FGGY: variants seen among roughly 807,000 people sequenced by gnomAD.
FGGY encodes the protein FGGY carbohydrate kinase domain containing, also known as FGGY carbohydrate kinase domain-containing protein.
Under a neutral mutation model 71.3 loss-of-function variants are expected in FGGY, and 72 were observed. The observed-to-expected ratio is 1.01, with a 90% CI of 0.84 to 1.23. The LOEUF (loss-of-function observed/expected upper bound fraction) is 1.23. Ranked by LOEUF, FGGY falls within the 50% of genes most tolerant of loss-of-function variation. The pLI is 0.00. For synonymous variants in FGGY, 251 were observed against 250.3 expected (o/e 1.00, Z -0.02); for missense variants, 668 against 682.3 (o/e 0.98, Z 0.23).
rs552008763 is a variant in FGGY at position 59,630,808 on chromosome 1, G to A, written c.1073+4759G>A. On this transcript the variant is annotated intron_variant, in intron 10 of 15. Transcript: ENST00000303721. Reference sequence around the variant, plus strand: ...GCAACTTACAGAACTCAGTGATGGAGTCAGAACTGGATTTAAATCCCACCT... The same window carrying A: ...GCAACTTACAGAACTCAGTGATGGAATCAGAACTGGATTTAAATCCCACCT... Among the ~76,000 whole-genome samples the A allele has an allele frequency of 2.3e-3, 357 of 152,304 alleles. 18 individuals are homozygous for A. In the South Asian group the frequency reaches 0.071, roughly 30 times the overall value.
intron 4 of FGGY, among the ~76,000 whole-genome samples, chr1:59,373,699 C>G (rs2153277060): frequency 6.6e-6 from 1 of 152,086 alleles, no homozygotes; most frequent in East Asian, 1.9e-4. Context: ...GTACTGGTAC[C>G]AAAACAGAGA....
intron 8 of FGGY, among the ~76,000 whole-genome samples, chr1:59,569,923 T>C (rs2153732617): frequency 6.6e-6 from 1 of 152,322 alleles, no homozygotes; most frequent in South Asian, 2.1e-4. Context: ...ACTGCAATCT[T>C]GCAATCCTTG....
chr1:59,514,666 C>T (rs1469752516), intron 7 of FGGY, among the ~76,000 whole-genome samples: 2 of 152,120 alleles, frequency 1.3e-5, no homozygotes, highest in East Asian at 3.9e-4. Context: ...CCGGTCTTTC[C>T]CATGCTATTC....
chr1:59,705,404 A>T (rs2407606), intron 14 of FGGY, among the ~76,000 whole-genome samples: 71,466 of 151,958 alleles, frequency 0.47, 18,117 homozygotes, highest in Middle Eastern at 0.63. Flanking sequence ...TGTGCCCAAG[A>T]GTTTTAGACT....
chr1:59,343,040 T>C (rs1309660604), intron 3 of FGGY, among the ~76,000 whole-genome samples: 1 of 152,094 alleles, frequency 6.6e-6, no homozygotes, highest in Non-Finnish European at 1.5e-5. Flanking sequence ...GATTGTGTCA[T>C]CTCAGCCATA....
At chr1:59,433,440 A>G (rs975047199) in intron 5 of FGGY, among the ~76,000 whole-genome samples, 2 of 152,122 alleles carry the variant, frequency 1.3e-5, no homozygotes, top group African/African-American at 4.8e-5. Flanking sequence ...TCCAGGCCTC[A>G]TGTGTCTGGA....
intron 11 of FGGY, chr1:59,641,275 C>T (rs1214735574): frequency 6.2e-7 from 1 of 1,607,504 alleles, no homozygotes; most frequent in Non-Finnish European, 8.5e-7. Context: ...TCTCGGATTT[C>T]TCAGAGAACC....
chr1:59,517,320 C>G lies in FGGY; in HGVS notation c.799+4881C>G, dbSNP rs1299537661. ...TCGCTCTGTCGCCCAGGCTGGAGTG[C>G]AGTGGCGGGATCTCGGCTCACTGCA... On this transcript the variant is annotated intron_variant, in intron 7 of 15. Coordinates refer to ENST00000303721, the MANE Select transcript of FGGY (RefSeq NM_018291.5). Among the ~76,000 whole-genome samples, 3 of 127,922 alleles carry G rather than the reference C, an allele frequency of 2.3e-5. No individual in the cohort carries two copies. In the East Asian group the frequency reaches 7.4e-4, roughly 31 times the overall value. The allele number at this position is 127,922 out of a possible 152,430, so 83.9% of individuals were successfully genotyped here.
chr1:59,656,027 A>G (rs2097214841), intron 11 of FGGY, among the ~76,000 whole-genome samples: 1 of 152,190 alleles, frequency 6.6e-6, no homozygotes, highest in African/African-American at 2.4e-5. Flanking sequence ...AAAATTAGGC[A>G]ATGCAGTTAT....
intron 12 of FGGY, among the ~76,000 whole-genome samples, chr1:59,664,333 G>A (rs1275907545): frequency 6.6e-6 from 1 of 152,208 alleles, no homozygotes; most frequent in African/African-American, 2.4e-5. Flanking sequence ...CGAAAGGGAA[G>A]GTCCTCTAAG....
At chr1:59,699,343 C>T in intron 14 of FGGY, 4 of 985,086 alleles carry the variant, frequency 4.1e-6, no homozygotes, top group Non-Finnish European at 4.8e-6. Context: ...TGATGTCTGC[C>T]TTTTGCATAG....
chr1:59,344,671 C>T (rs79838519), intron 3 of FGGY, among the ~76,000 whole-genome samples: 2,312 of 152,148 alleles, frequency 0.015, 42 homozygotes, highest in African/African-American at 0.053. Flanking sequence ...ATCGTATTTG[C>T]GTATAACCTA....
intron 10 of FGGY, among the ~76,000 whole-genome samples, chr1:59,633,698 A>C (rs568159371): frequency 6.6e-6 from 1 of 152,328 alleles, no homozygotes; most frequent in Admixed American, 6.5e-5. Context: ...AAGAGGAGGC[A>C]TTTGAAGAGT....
At chr1:59,546,448 G>T (rs892903495) in intron 7 of FGGY, among the ~76,000 whole-genome samples, 1 of 151,852 alleles carries the variant, frequency 6.6e-6, no homozygotes, top group Non-Finnish European at 1.5e-5. Flanking sequence ...GGGGGCAGTG[G>T]CAGTGTCAAG....
chr1:59,480,819 T>C (rs1022651784), intron 6 of FGGY, among the ~76,000 whole-genome samples: 1 of 152,034 alleles, frequency 6.6e-6, no homozygotes, highest in Non-Finnish European at 1.5e-5. Context: ...TAGGCAGGGA[T>C]CAAAAAATCA....
At chr1:59,499,317 A>ATTTTTTTT (rs2094150310) in intron 6 of FGGY, among the ~76,000 whole-genome samples, 1 of 48,106 alleles carries the variant, frequency 2.1e-5, no homozygotes, top group African/African-American at 1.4e-4. Context: ...TTTTTTTTTG[A>ATTTTTTTT]TCTGGTAACT....
intron 14 of FGGY, among the ~76,000 whole-genome samples, chr1:59,729,349 T>C (rs529448269): frequency 6.6e-6 from 1 of 152,318 alleles, no homozygotes; most frequent in East Asian, 1.9e-4. Flanking sequence ...TTCTAACATT[T>C]GTGTTATATC....
At chr1:59,561,691 A>G (rs1571298827) in intron 8 of FGGY, among the ~76,000 whole-genome samples, 1 of 152,184 alleles carries the variant, frequency 6.6e-6, no homozygotes, top group East Asian at 1.9e-4. Flanking sequence ...AGTAGGCACC[A>G]TACTGTCCCT....
chr1:59,524,350 G>A (rs1032864050), intron 7 of FGGY, among the ~76,000 whole-genome samples: 10 of 152,232 alleles, frequency 6.6e-5, no homozygotes, highest in Non-Finnish European at 1.2e-4. Flanking sequence ...GATGGCAGGA[G>A]GAAGCAGACA....
Sources: allele counts gnomAD v4.1 joint callset (sites outside exome capture counted in the v4.1 genomes callset), GRCh38; gene constraint gnomAD v4.1.1; transcripts MANE v1.5; gene names NCBI Gene and HGNC (gene_info 2026-07-23, HGNC 2026-07-21).